IMPG1: variants seen among roughly 807,000 people sequenced by gnomAD.
The protein encoded by IMPG1 is interphotoreceptor matrix proteoglycan of 150 kDa.
In IMPG1, 85 loss-of-function variants were observed where a neutral mutation model predicts 92.0. That is an observed-to-expected ratio of 0.92 (90% CI 0.78 to 1.11). The LOEUF is 1.11. Among genes scored for constraint, IMPG1 ranks in the 50% least tolerant of loss-of-function variants. The pLI is 0.00. For missense variants in IMPG1, 1,022 were observed against 956.0 expected, an observed-to-expected ratio of 1.07 and a Z score of -0.91; for synonymous variants, 367 against 334.1, an observed-to-expected ratio of 1.10 and a Z score of -1.08.
chr6:76,061,977 A>G (rs1251349281), intron 1 of IMPG1, among the ~76,000 whole-genome samples: 1 of 152,228 alleles, frequency 6.6e-6, no homozygotes, highest in Admixed American at 6.5e-5. Context: ...GAAAAACTAC[A>G]TTCAGAATCT....
chr6:75,934,673 G>A (rs1164094030), intron 14 of IMPG1, among the ~76,000 whole-genome samples: 2 of 152,072 alleles, frequency 1.3e-5, no homozygotes. Flanking sequence ...CAAGCCTCTT[G>A]TTTCTGGTCC....
At position 76,011,240 on chromosome 6, in the gene IMPG1, A is replaced by G. The variant is rs1179332498; in HGVS notation, c.808-16T>C. ...TCTTTTGCATCTGCAGAGAGAAAGAAATTTGTAAAATACTCTTTGGTTCTG... is the reference window on the plus strand; with the variant it reads ...TCTTTTGCATCTGCAGAGAGAAAGAGATTTGTAAAATACTCTTTGGTTCTG... On this transcript the variant is annotated splice_polypyrimidine_tract_variant and intron_variant, in intron 7 of 16. Transcript: ENST00000369950. 5.0e-6 allele frequency: 7 copies of G among 1,387,124 alleles called. No individual in the cohort carries two copies. Among genetic ancestry groups the G allele is most frequent in the Non-Finnish European group, 7.2e-6 (7 of 976,736 alleles). The allele number at this position is 1,387,124 out of a possible 1,614,324, so 85.9% of individuals were successfully genotyped here.
chr6:76,062,015 T>C (rs929087110), intron 1 of IMPG1, among the ~76,000 whole-genome samples: 4 of 152,224 alleles, frequency 2.6e-5, no homozygotes, highest in African/African-American at 9.6e-5. Context: ...CCTTTTGAAA[T>C]ATTGGCATGT....
chr6:75,923,530 T>G lies in IMPG1; in HGVS notation c.2316+104A>C, dbSNP rs912145912. 3.9e-5 allele frequency: 26 copies of G among 672,702 alleles called. No homozygotes were observed. The African/African-American group carries it at 4.4e-4, about 11-fold the overall frequency. 41.7% of individuals were successfully genotyped at this position (672,702 alleles called of 1,614,324 possible). A position where few individuals can be genotyped will look rare whatever the true frequency, so the allele number is the denominator to read the frequency against. ...AAAACAGTAAATTAAAAATAAAAAGTATCTTGCTTATCTCTATTTAAAATA... is the reference window on the plus strand; with the variant it reads ...AAAACAGTAAATTAAAAATAAAAAGGATCTTGCTTATCTCTATTTAAAATA... On this transcript the variant is annotated intron_variant, in intron 16 of 16. Coordinates refer to ENST00000369950, the MANE Select transcript of IMPG1 (RefSeq NM_001563.4).
intron 15 of IMPG1, among the ~76,000 whole-genome samples, chr6:75,924,106 AGGATG>A (rs1390094402): frequency 4.6e-5 from 7 of 151,972 alleles, no homozygotes; most frequent in African/African-American, 1.7e-4. Flanking sequence ...AATGTTATCG[AGGATG>A]TGGAGAAAAG....
chr6:76,031,524 G>T (rs1388073887), intron 4 of IMPG1, among the ~76,000 whole-genome samples: 1 of 152,196 alleles, frequency 6.6e-6, no homozygotes, highest in African/African-American at 2.4e-5. Flanking sequence ...ACACAGGCCA[G>T]ATAAAAATTT....
chr6:76,040,293 G>A (rs1204832345), intron 2 of IMPG1, among the ~76,000 whole-genome samples: 1 of 152,134 alleles, frequency 6.6e-6, no homozygotes, highest in Non-Finnish European at 1.5e-5. Context: ...AATAAATAGG[G>A]TATTCCAAAT....
chr6:76,013,041 C>A (rs1384141234), intron 7 of IMPG1, among the ~76,000 whole-genome samples: 1 of 152,104 alleles, frequency 6.6e-6, no homozygotes, highest in East Asian at 1.9e-4. Context: ...CCCTCCCTAT[C>A]CCTACTCCTG....
chr6:76,051,109 T>TAA (rs548367462), intron 1 of IMPG1, among the ~76,000 whole-genome samples: 3 of 148,456 alleles, frequency 2.0e-5, no homozygotes, highest in Admixed American at 6.7e-5. Flanking sequence ...GACTGGAAGT[T>TAA]AAAAAAAAAA....
chr6:75,926,087 G>T (rs897432831), intron 15 of IMPG1, among the ~76,000 whole-genome samples: 1 of 152,186 alleles, frequency 6.6e-6, no homozygotes, highest in Non-Finnish European at 1.5e-5. Context: ...CTTTGAGAAT[G>T]CCAGGGAAGG....
Position 76,025,220 on chromosome 6 carries a change from G to C in IMPG1, c.536C>G (p.Pro179Arg), listed in dbSNP as rs1247522689. 1.0e-5 allele frequency: 16 copies of C among 1,603,026 alleles called. No homozygotes were observed. Among genetic ancestry groups the C allele is most frequent in the South Asian group, 8.9e-5 (8 of 90,352 alleles). The change falls in exon 5 of 17, where the codon CCT (proline) becomes CGT (arginine). Residue 179 changes from proline (P) to arginine (R), a missense_variant. By Grantham distance (103) the Pro-to-Arg change is moderately radical (BLOSUM62 -2). Coordinates refer to ENST00000369950, the MANE Select transcript of IMPG1 (RefSeq NM_001563.4). ...EISAEKTLGE[P>R]GETIVISTDV... is the part of the protein sequence containing the mutation. ...TGTTGAAATGACAATGGTTTCACCA[G>C]GCTCTCCCAATGTCTTCTCTGCAGA...
intron 11 of IMPG1, among the ~76,000 whole-genome samples, chr6:76,003,337 C>T (rs1783033106): frequency 1.3e-5 from 2 of 152,066 alleles, no homozygotes; most frequent in African/African-American, 4.8e-5. Flanking sequence ...TTTATGAACA[C>T]CCCAGTGACA....
rs771309602 is a variant in IMPG1 at position 75,947,349 on chromosome 6, A to G, written c.2009T>C (p.Leu670Pro). 1.9e-6 allele frequency: 3 copies of G among 1,613,842 alleles called. No homozygotes were observed. The African/African-American group carries it at 4.0e-5, about 22-fold the overall frequency. Residue 670 changes from leucine to proline, a missense_variant, in exon 14 of 17, where the codon CTG (leucine) becomes CCG (proline). Leu to Pro is a moderately conservative substitution (Grantham distance 98, BLOSUM62 -3). Around this residue, in one of 3 missense-constraint regions of IMPG1, gnomAD observed 332 missense variants for 346.2 expected, o/e 0.96. Transcript: ENST00000369950. ...GTTGAGAGAGTAGCTGTCTATTTCC[A>G]GATGGAGTTGTTGGGCTGCAGCAGA... ...FRSAAAQQLH[L>P]EIDSYSLNIE... is the part of the protein sequence containing the mutation.
chr6:75,972,036 A>G (rs1327492481), intron 12 of IMPG1, among the ~76,000 whole-genome samples: 1 of 152,152 alleles, frequency 6.6e-6, no homozygotes, highest in Non-Finnish European at 1.5e-5. Flanking sequence ...CTGTAATTTT[A>G]CCTTTTAATA....
At position 75,984,111 on chromosome 6, in the gene IMPG1, G is replaced by A. The variant is rs142456150; in HGVS notation, c.1291+18807C>T. Among the ~76,000 whole-genome samples the A allele has an allele frequency of 8.5e-4, 130 of 152,326 alleles. 2 individuals carry two copies. The highest frequency in any genetic ancestry group is 3.0e-3 in the African/African-American group (126 of 41,568). ...GGAGAAAGGGGAACATTTGCACATT[G>A]TTCTTAGGAATGTAAATTAGTGTAA... On this transcript the variant is annotated intron_variant, in intron 12 of 16. Coordinates refer to ENST00000369950, the MANE Select transcript of IMPG1 (RefSeq NM_001563.4).
chr6:76,041,505 A>C (rs913079358), intron 2 of IMPG1, among the ~76,000 whole-genome samples: 5 of 152,204 alleles, frequency 3.3e-5, no homozygotes, highest in Non-Finnish European at 7.3e-5. Flanking sequence ...ATGAAATCTT[A>C]AGTCATGAAT....
At chr6:76,061,643 T>C (rs79384043) in intron 1 of IMPG1, among the ~76,000 whole-genome samples, 3,900 of 152,318 alleles carry the variant, frequency 0.026, 140 homozygotes, top group African/African-American at 0.086. Context: ...AAATGTAATG[T>C]AAAAGACACA....
chr6:75,993,910 G>A (rs150773149), intron 12 of IMPG1, among the ~76,000 whole-genome samples: 3 of 152,308 alleles, frequency 2.0e-5, no homozygotes, highest in African/African-American at 7.2e-5. Context: ...GTGCCAGCAA[G>A]TGTGAAAGGA....
intron 12 of IMPG1, among the ~76,000 whole-genome samples, chr6:75,959,181 C>A (rs551849160): frequency 6.6e-6 from 1 of 152,130 alleles, no homozygotes; most frequent in Non-Finnish European, 1.5e-5. Context: ...CACTGTAGAC[C>A]CTGTTTTCCT....
Sources: gnomAD v4.1 joint callset for allele counts (sites outside exome capture counted in the v4.1 genomes callset) on GRCh38, gnomAD v4.1.1 for gene constraint, gnomAD v4.1.1 regional missense constraint, MANE v1.5 for transcripts, NCBI Gene and HGNC (gene_info 2026-07-23, HGNC 2026-07-21) for gene names.